Variants in LGSN observed in about 807,000 individuals in gnomAD.
LGSN encodes the protein lengsin, lens protein with glutamine synthetase domain, also known as lengsin.
In LGSN, 21 loss-of-function variants were observed where a neutral mutation model predicts 19.5. That is an observed-to-expected ratio of 1.07 (90% CI 0.76 to 1.55). LGSN has a LOEUF of 1.55. Ranked by LOEUF, LGSN falls within the 40% of genes most tolerant of loss-of-function variation. The probability of loss-of-function intolerance (pLI) is 0.00; values close to 1 mark genes in which losing one functional copy is unlikely to be tolerated. For synonymous variants in LGSN, 257 were observed against 215.6 expected (o/e 1.19, Z -1.68); for missense variants, 673 against 608.5 (o/e 1.11, Z -1.12).
the LGSN span, among the ~76,000 whole-genome samples, chr6:63,419,003 C>T: frequency 5.3e-5 from 8 of 152,154 alleles, no homozygotes; most frequent in Admixed American, 5.2e-4. Flanking sequence ...AGAGGATGCC[C>T]AGCAGAGTGT....
the LGSN span, among the ~76,000 whole-genome samples, chr6:63,415,691 T>C: frequency 1.3e-5 from 2 of 152,190 alleles, no homozygotes. Context: ...CCTAACCATA[T>C]CAACCCTCAT....
chr6:63,467,101 A>G, the LGSN span, among the ~76,000 whole-genome samples: 1 of 152,174 alleles, frequency 6.6e-6, no homozygotes, highest in Non-Finnish European at 1.5e-5. Flanking sequence ...AGGGTCCAGG[A>G]AATGAAAGAG....
chr6:63,490,503 A>G, the LGSN span, among the ~76,000 whole-genome samples: 45 of 152,304 alleles, frequency 3.0e-4, no homozygotes, highest in South Asian at 8.9e-3. Context: ...CATGACATGG[A>G]GTGCATTAGC....
At chr6:63,379,946 T>C in the LGSN span, among the ~76,000 whole-genome samples, 1 of 152,138 alleles carries the variant, frequency 6.6e-6, no homozygotes, top group Non-Finnish European at 1.5e-5. Context: ...CAAACAATTT[T>C]CCTGCCTCAG....
At chr6:63,347,275 AT>A in the LGSN span, among the ~76,000 whole-genome samples, 1 of 152,124 alleles carries the variant, frequency 6.6e-6, no homozygotes, top group African/African-American at 2.4e-5. Context: ...AGTTTTATGT[AT>A]TTTTCCTTAC....
chr6:63,484,660 A>G, the LGSN span, among the ~76,000 whole-genome samples: 4 of 152,364 alleles, frequency 2.6e-5, no homozygotes, highest in Admixed American at 6.5e-5. Flanking sequence ...GACAGGTTCA[A>G]TCTAGTTTCA....
the LGSN span, among the ~76,000 whole-genome samples, chr6:63,474,955 A>G: frequency 6.6e-6 from 1 of 152,086 alleles, no homozygotes; most frequent in Non-Finnish European, 1.5e-5. Flanking sequence ...TTTTGTGCAA[A>G]ATGAGACAAT....
At position 63,278,182 on chromosome 6, in the gene LGSN, T is replaced by A. The variant is rs1316472438; in HGVS notation, c.*1839A>T. ...CACTGAACCTAATAACATGACCACA[T>A]CCAACCTTAATGAAGGCTCAGAAAT... On this transcript the variant is annotated 3_prime_UTR_variant, in exon 4 of 4. Transcript: ENST00000370657. The A allele has an allele frequency of 2.0e-5, 3 of 151,932 alleles. No individual in the cohort carries two copies. The highest frequency in any genetic ancestry group is 7.3e-5 in the African/African-American group (3 of 41,304). 9.4% of individuals were successfully genotyped at this position (151,932 alleles called of 1,614,324 possible).
the LGSN span, among the ~76,000 whole-genome samples, chr6:63,383,522 T>A: frequency 1.3e-5 from 2 of 152,176 alleles, no homozygotes; most frequent in South Asian, 4.2e-4. Context: ...AGGGCGTTTT[T>A]TTAATCCAGG....
chr6:63,475,581 T>C, the LGSN span, among the ~76,000 whole-genome samples: 1 of 152,172 alleles, frequency 6.6e-6, no homozygotes, highest in African/African-American at 2.4e-5. Flanking sequence ...TCCTAGGCCA[T>C]TAAAGAGGTA....
At chr6:63,423,902 TGGTGGC>T in the LGSN span, among the ~76,000 whole-genome samples, 4 of 152,138 alleles carry the variant, frequency 2.6e-5, no homozygotes, top group Non-Finnish European at 5.9e-5. Flanking sequence ...TAGCCGGGCA[TGGTGGC>T]GCATGCCTGT....
chr6:63,381,851 A>C, the LGSN span, among the ~76,000 whole-genome samples: 1 of 152,352 alleles, frequency 6.6e-6, no homozygotes, highest in East Asian at 1.9e-4. Flanking sequence ...GTGCCCTCTA[A>C]GGAAACAGAA....
At chr6:63,283,954 C>T (rs1228570208) in intron 3 of LGSN, among the ~76,000 whole-genome samples, 1 of 152,234 alleles carries the variant, frequency 6.6e-6, no homozygotes, top group East Asian at 1.9e-4. Context: ...TCGGCCTCAG[C>T]GTCCCAAAGT....
chr6:63,494,606 A>C, the LGSN span, among the ~76,000 whole-genome samples: 1 of 152,194 alleles, frequency 6.6e-6, no homozygotes, highest in African/African-American at 2.4e-5. Context: ...AGCATCTGAA[A>C]ATTTTAAAGC....
At chr6:63,572,587 A>C in the LGSN span, 7 of 415,678 alleles carry the variant, frequency 1.7e-5, no homozygotes, top group Non-Finnish European at 2.5e-5. Context: ...CGCCGCCTGC[A>C]TCGCCGCCAC....
the LGSN span, among the ~76,000 whole-genome samples, chr6:63,491,348 C>A: frequency 6.6e-6 from 1 of 152,158 alleles, no homozygotes; most frequent in Non-Finnish European, 1.5e-5. Context: ...CAGGGCTGGG[C>A]ACTTATGAGG....
the LGSN span, among the ~76,000 whole-genome samples, chr6:63,497,457 G>A: frequency 6.6e-6 from 1 of 152,130 alleles, no homozygotes; most frequent in Non-Finnish European, 1.5e-5. Context: ...GCTGAGTGAG[G>A]CAGGAGAATC....
the LGSN span, among the ~76,000 whole-genome samples, chr6:63,505,614 A>AAAGAAAGAAAG: frequency 1.6e-5 from 2 of 127,910 alleles, no homozygotes; most frequent in African/African-American, 5.8e-5. Flanking sequence ...AGAAAGAAAG[A>AAAGAAAGAAAG]AAGAAAGAAA....
chr6:63,542,586 C>T, the LGSN span, among the ~76,000 whole-genome samples: 1 of 152,012 alleles, frequency 6.6e-6, no homozygotes, highest in Non-Finnish European at 1.5e-5. Flanking sequence ...AGTTTTTGCC[C>T]CAAGACTCAA....
Sources: gnomAD v4.1 joint callset for allele counts (sites outside exome capture counted in the v4.1 genomes callset) on GRCh38, gnomAD v4.1.1 for gene constraint, MANE v1.5 for transcripts, NCBI Gene and HGNC (gene_info 2026-07-23, HGNC 2026-07-21) for gene names.